The following ZNF83 variants were observed in gnomAD, a reference collection of about 807,000 sequenced individuals.
The protein encoded by ZNF83 is zinc finger protein 83.
For synonymous variants in ZNF83, 209 were observed against 213.0 expected (o/e 0.98, Z 0.17); for missense variants, 552 against 629.9 (o/e 0.88, Z 1.32).
At chr19:52,614,841 A>G (rs2060248908) in intron 2 of ZNF83, 44 bp from the exon 3 acceptor site, 1 of 1,250,056 alleles carries the variant, frequency 8.0e-7, no homozygotes, top group African/African-American at 1.5e-5. Flanking sequence ...AATTACAGAT[A>G]GTCAATAAAT....
At chr19:52,622,904 A>G (rs1034193149) in intron 2 of ZNF83, among the ~76,000 whole-genome samples, 3 of 152,242 alleles carry the variant, frequency 2.0e-5, no homozygotes, top group African/African-American at 7.2e-5. Context: ...CTGAGTTACA[A>G]TTACTTGCCT....
chr19:52,648,451 GA>G (rs201038009), intron 3 of ZNF83, among the ~76,000 whole-genome samples: 380 of 148,556 alleles, frequency 2.6e-3, no homozygotes, highest in Non-Finnish European at 4.2e-3. Context: ...CAAAGTGAAG[GA>G]AAAAAAAAAG....
rs1260140897 is a variant in ZNF83, at chr19:52,656,222, C to A, written c.-200-535G>T. ...AGTGAGACTCCGTCTCTCTCTCTCT[C>A]TCTCTATATATATATATAGCCAGGC... On this transcript the variant is annotated intron_variant, in intron 2 of 5. Coordinates refer to the ZNF83 transcript ENST00000594682. 1.5e-4 allele frequency among the ~76,000 whole-genome samples: 19 copies of A among 127,506 alleles called. No homozygotes were observed. In the South Asian group the frequency reaches 1.7e-3, roughly 11 times the overall value. 83.6% of individuals were successfully genotyped at this position (127,506 alleles called of 152,430 possible). A position where few individuals can be genotyped will look rare whatever the true frequency, so the allele number is the denominator to read the frequency against.
chr19:52,625,132 A>G (rs886275963), intron 2 of ZNF83, among the ~76,000 whole-genome samples: 1 of 152,090 alleles, frequency 6.6e-6, no homozygotes, highest in African/African-American at 2.4e-5. Context: ...AAGGCAGGCT[A>G]TGCTATAGTA....
chr19:52,684,542 T>A (rs1358452232), intron 1 of ZNF83, among the ~76,000 whole-genome samples: 12 of 96,694 alleles, frequency 1.2e-4, no homozygotes, highest in Admixed American at 8.2e-4. Flanking sequence ...AGAGTGAGAC[T>A]CTGTCTAAAA....
chr19:52,625,769 A>G (rs561988057), intron 2 of ZNF83, among the ~76,000 whole-genome samples: 1 of 152,260 alleles, frequency 6.6e-6, no homozygotes, highest in Admixed American at 6.5e-5. Context: ...AATAACAGTG[A>G]AAGTTTGCTT....
chr19:52,654,266 T>C, intron 3 of ZNF83: 1 of 1,559,302 alleles, frequency 6.4e-7, no homozygotes, highest in Non-Finnish European at 8.8e-7. Context: ...AAGTCATGAA[T>C]ATCTTTCTTG....
rs1390435099 is a variant in ZNF83, at chr19:52,684,237, G to A, written c.-283+6206C>T. On this transcript the variant is annotated intron_variant, in intron 1 of 5. Transcript: ENST00000594682. Reference sequence around the variant, plus strand: ...CATAAAAAGTAGCCTGGCTTGGTGGGCATCTGTAATCCCAGCTACTCGGGA... The same window carrying A: ...CATAAAAAGTAGCCTGGCTTGGTGGACATCTGTAATCCCAGCTACTCGGGA... Among the ~76,000 whole-genome samples, 8 of 152,098 alleles carry A rather than the reference G, an allele frequency of 5.3e-5. No homozygotes were observed. The East Asian group carries it at 1.4e-3, about 26-fold the overall frequency.
At chr19:52,637,813 G>T (rs1266324242) in intron 1 of ZNF83, among the ~76,000 whole-genome samples, 3 of 152,142 alleles carry the variant, frequency 2.0e-5, no homozygotes, top group Non-Finnish European at 4.4e-5. Flanking sequence ...AGGTGACTGT[G>T]GAGGAGAGAC....
intron 2 of ZNF83, among the ~76,000 whole-genome samples, chr19:52,631,434 G>A (rs1171128601): frequency 3.3e-5 from 5 of 152,082 alleles, no homozygotes; most frequent in East Asian, 3.9e-4. Flanking sequence ...AGCTGCTGCC[G>A]CCCTAATACT....
intron 1 of ZNF83, among the ~76,000 whole-genome samples, chr19:52,679,791 T>G (rs950917743): frequency 2.0e-5 from 3 of 152,110 alleles, no homozygotes; most frequent in African/African-American, 7.2e-5. Flanking sequence ...AATTTTCTGT[T>G]TTTATGCAAA....
intron 2 of ZNF83, among the ~76,000 whole-genome samples, chr19:52,620,254 C>CTG (rs200450539): frequency 0.012 from 1,626 of 134,270 alleles, 39 homozygotes; most frequent in African/African-American, 0.044. Flanking sequence ...GTGTGTATAT[C>CTG]TGTGTGTGTA....
chr19:52,623,254 A>T (rs139241385), intron 2 of ZNF83, among the ~76,000 whole-genome samples: 3 of 152,116 alleles, frequency 2.0e-5, no homozygotes, highest in African/African-American at 7.2e-5. Flanking sequence ...AGCCCTCTGG[A>T]CCATCAGGGA....
intron 3 of ZNF83, among the ~76,000 whole-genome samples, chr19:52,643,999 G>GAAAATTTGCTTTCTTCTTTAATTT: frequency 6.6e-6 from 1 of 152,276 alleles, no homozygotes; most frequent in Admixed American, 6.5e-5. Flanking sequence ...TGGACACAGG[G>GAAAATTTGCTTTCTTCTTTAATTT]CTGTGGAGCC....
At chr19:52,613,137 A>G (rs766451945) in exon 3 of ZNF83, 4 of 1,610,892 alleles carry the variant, frequency 2.5e-6, no homozygotes, top group South Asian at 2.2e-5. Flanking sequence ...TGTGGATCGC[A>G]TGATGATTAG....
chr19:52,621,016 T>G lies in ZNF83; in HGVS notation c.-233-6219A>C, dbSNP rs1388340721. On this transcript the variant is annotated intron_variant, in intron 2 of 2. Transcript: ENST00000301096. ...CCCCTATCTCCCTTTGCTGACTCCT[T>G]TTTTGGACTCAGCCTGCCTGCACCC... Among the ~76,000 whole-genome samples the G allele has an allele frequency of 2.6e-5, 4 of 152,314 alleles. No homozygotes were observed. The East Asian group carries it at 7.7e-4, about 29-fold the overall frequency.
chr19:52,653,133 C>T (rs2061464611), intron 3 of ZNF83: 3 of 1,467,692 alleles, frequency 2.0e-6, no homozygotes, highest in Non-Finnish European at 2.8e-6. Context: ...TCTTGCCACA[C>T]TCATGACAGT....
intron 2 of ZNF83, among the ~76,000 whole-genome samples, chr19:52,620,270 C>CTGTGTGTGTGTGTGTGTGTG (rs377267661): frequency 0.015 from 2,145 of 144,040 alleles, 32 homozygotes; most frequent in East Asian, 0.04. Context: ...GTGTATATCT[C>CTGTGTGTGTGTGTGTGTGTG]TGTGTGTGTG....
intron 1 of ZNF83, chr19:52,635,890 G>A (rs2061128842): frequency 6.6e-6 from 1 of 151,752 alleles, no homozygotes; most frequent in Non-Finnish European, 1.5e-5. Context: ...TAGTTGGGAG[G>A]CTGAAGCAAG....
Sources: allele counts gnomAD v4.1 joint callset (sites outside exome capture counted in the v4.1 genomes callset), GRCh38; gene constraint gnomAD v4.1.1; transcripts MANE v1.5; gene names NCBI Gene and HGNC (gene_info 2026-07-23, HGNC 2026-07-21).